MAPK4: variants seen among roughly 807,000 people sequenced by gnomAD.
The protein encoded by MAPK4 is Erk3-related.
A neutral mutation model predicts 47.7 loss-of-function variants in MAPK4; 22 were observed. The observed-to-expected ratio is 0.46, with a 90% CI of 0.33 to 0.66. The LOEUF is 0.66. Ranked by LOEUF, MAPK4 falls within the 30% of genes least tolerant of loss-of-function variation. The pLI is 0.02. For missense variants in MAPK4, 736 were observed against 831.7 expected (o/e 0.88, Z 1.42); for synonymous variants, 390 against 365.7 (o/e 1.07, Z -0.76).
chr18:50,641,239 G>A (rs1227827475), intron 1 of MAPK4, among the ~76,000 whole-genome samples: 3 of 152,180 alleles, frequency 2.0e-5, no homozygotes, highest in Non-Finnish European at 4.4e-5. Flanking sequence ...ATTATCAGTA[G>A]TTGGTTCTAA....
intron 1 of MAPK4, among the ~76,000 whole-genome samples, chr18:50,593,581 G>C (rs2042456604): frequency 6.6e-6 from 1 of 152,196 alleles, no homozygotes; most frequent in African/African-American, 2.4e-5. Context: ...GGCAGGACTT[G>C]TAGTGTGAGC....
intron 1 of MAPK4, among the ~76,000 whole-genome samples, chr18:50,588,936 T>C (rs560503087): frequency 2.6e-5 from 4 of 152,338 alleles, no homozygotes; most frequent in African/African-American, 9.6e-5. Context: ...GTTAGGAGTC[T>C]GTCTACCAAA....
intron 3 of MAPK4, 93 bp from the exon 4 acceptor site, chr18:50,721,845 T>C: frequency 7.7e-7 from 1 of 1,299,798 alleles, no homozygotes; most frequent in Non-Finnish European, 1.1e-6. Context: ...TGCCCTGTGT[T>C]GTCCCTCCCA....
chr18:50,693,878 G>A (rs1171444115), intron 2 of MAPK4, among the ~76,000 whole-genome samples: 1 of 152,178 alleles, frequency 6.6e-6, no homozygotes, highest in Admixed American at 6.5e-5. Context: ...CTTCTGACTT[G>A]AGGCTCAATG....
In MAPK4 at chr18:50,693,692, G is replaced by T. The variant is rs118159971; in HGVS notation, c.547-21387G>T. 3.8e-3 allele frequency among the ~76,000 whole-genome samples: 583 copies of T among 152,306 alleles called. 14 individuals are homozygous for T. In the East Asian group the frequency reaches 0.057, roughly 15 times the overall value. On this transcript the variant is annotated intron_variant, in intron 2 of 5. Coordinates refer to ENST00000400384, the MANE Select transcript of MAPK4 (RefSeq NM_002747.4). ...GAGTGGTGCTTTCAAGCGTGCATGT[G>T]CTTTCCGTGGGTTTGTTTCCACGTG...
At chr18:50,591,481 C>T (rs2042436395) in intron 1 of MAPK4, among the ~76,000 whole-genome samples, 1 of 150,692 alleles carries the variant, frequency 6.6e-6, no homozygotes, top group Admixed American at 6.7e-5. Flanking sequence ...GCATGCTGAC[C>T]GAGGTGATGG....
At chr18:50,586,431 A>G (rs2042388822) in intron 1 of MAPK4, among the ~76,000 whole-genome samples, 1 of 151,776 alleles carries the variant, frequency 6.6e-6, no homozygotes, top group African/African-American at 2.4e-5. Context: ...ATCTAAAAGT[A>G]TTTGAGTTCT....
At chr18:50,639,329 C>G (rs2042918369) in intron 1 of MAPK4, among the ~76,000 whole-genome samples, 1 of 152,182 alleles carries the variant, frequency 6.6e-6, no homozygotes, top group African/African-American at 2.4e-5. Flanking sequence ...TGCCTTTTCT[C>G]TATGTAGTTT....
rs560333702 is a variant in MAPK4 at position 50,717,144 on chromosome 18, G to A, written c.691+1921G>A. Among the ~76,000 whole-genome samples the A allele has an allele frequency of 3.3e-3, 510 of 152,286 alleles. 3 individuals carry two copies. Among genetic ancestry groups the A allele is most frequent in the Middle Eastern group, 0.01 (3 of 294 alleles). On this transcript the variant is annotated intron_variant, in intron 3 of 5. Transcript: ENST00000400384. ...CCTGACACAGAGCCCCACATCCTCA[G>A]TTCCTGGGACACTCACTGCCCTTGT...
chr18:50,631,676 C>G (rs762474344), intron 1 of MAPK4, among the ~76,000 whole-genome samples: 2 of 152,104 alleles, frequency 1.3e-5, no homozygotes, highest in Non-Finnish European at 2.9e-5. Context: ...ACTTCTGATG[C>G]CCCTTGAATT....
intron 1 of MAPK4, among the ~76,000 whole-genome samples, chr18:50,624,177 T>C (rs2042755988): frequency 6.6e-6 from 1 of 152,212 alleles, no homozygotes; most frequent in South Asian, 2.1e-4. Flanking sequence ...GTTTACTAGT[T>C]TATGGCTAAC....
chr18:50,703,416 T>G (rs188532702), intron 2 of MAPK4, among the ~76,000 whole-genome samples: 128 of 152,364 alleles, frequency 8.4e-4, no homozygotes, highest in African/African-American at 3.1e-3. Context: ...CGCAGCCACC[T>G]GCCTTCAGCA....
chr18:50,590,588 T>A (rs769646285), intron 1 of MAPK4, among the ~76,000 whole-genome samples: 2 of 152,230 alleles, frequency 1.3e-5, no homozygotes, highest in Non-Finnish European at 2.9e-5. Context: ...GCTTTACTGC[T>A]GTGCTAAAAT....
intron 1 of MAPK4, among the ~76,000 whole-genome samples, chr18:50,566,624 G>A (rs2042200676): frequency 6.6e-6 from 1 of 152,210 alleles, no homozygotes; most frequent in African/African-American, 2.4e-5. Flanking sequence ...AATTCGAACT[G>A]ATTACATCTA....
intron 1 of MAPK4, among the ~76,000 whole-genome samples, chr18:50,584,551 A>G (rs1479419717): frequency 2.0e-5 from 3 of 152,244 alleles, no homozygotes; most frequent in African/African-American, 7.2e-5. Context: ...TGAATTGTGT[A>G]TTGTTCCCTA....
At chr18:50,719,329 C>T (rs968374391) in intron 3 of MAPK4, among the ~76,000 whole-genome samples, 2 of 150,942 alleles carry the variant, frequency 1.3e-5, no homozygotes, top group African/African-American at 2.4e-5. Context: ...GATGGTCCAG[C>T]AGGGGACACA....
At chr18:50,704,454 C>T (rs75908943) in intron 2 of MAPK4, 15,113 of 397,658 alleles carry the variant, frequency 0.038, 354 homozygotes, top group Middle Eastern at 0.066. Flanking sequence ...GCACTTTAGC[C>T]TGGGTGACAA....
intron 1 of MAPK4, among the ~76,000 whole-genome samples, chr18:50,636,428 T>C (rs2042889359): frequency 3.3e-5 from 5 of 152,234 alleles, no homozygotes. Context: ...TAAGTATCTG[T>C]GGACTAAATA....
At chr18:50,594,571 C>T (rs1346144167) in intron 1 of MAPK4, among the ~76,000 whole-genome samples, 1 of 152,116 alleles carries the variant, frequency 6.6e-6, no homozygotes, top group East Asian at 1.9e-4. Flanking sequence ...CTTGATCCTA[C>T]CTAGCTCTGT....
Sources: allele counts gnomAD v4.1 joint callset (sites outside exome capture counted in the v4.1 genomes callset), GRCh38; gene constraint gnomAD v4.1.1; transcripts MANE v1.5; gene names NCBI Gene and HGNC (gene_info 2026-07-23, HGNC 2026-07-21).